PLAC8L1: variants seen among roughly 807,000 people sequenced by gnomAD.
PLAC8L1 encodes the protein PLAC8-like protein 1.
In PLAC8L1, 13 loss-of-function variants were observed where a neutral mutation model predicts 16.3. The ratio of observed to expected loss-of-function variants is 0.80; its 90% CI spans 0.52 to 1.27. PLAC8L1 has a LOEUF of 1.27. Ranked by LOEUF, PLAC8L1 falls within the 50% of genes most tolerant of loss-of-function variation. The pLI, the probability that PLAC8L1 is intolerant of heterozygous loss-of-function variation, is 0.00. For missense variants in PLAC8L1, 184 were observed against 220.2 expected, an observed-to-expected ratio of 0.84 and a Z score of 1.04; for synonymous variants, 78 against 79.3, an observed-to-expected ratio of 0.98 and a Z score of 0.09.
At position 146,092,535 on chromosome 5, in the gene PLAC8L1, A is replaced by ATTT. The variant is rs35101919; in HGVS notation, c.256+5618_256+5620dup. ...CATTCATACAATGGAATCTTTGCAG[A>ATTT]TTTTTTTTTTTTTTTTTTTTTTTTG... is the stretch of plus-strand genomic sequence containing the variant. On this transcript the variant is annotated intron_variant, in intron 2 of 3. Transcript: ENST00000311450. Among the ~76,000 whole-genome samples, 513 of 100,364 alleles carry ATTT rather than the reference A, an allele frequency of 5.1e-3. 1 individual carries two copies. Among genetic ancestry groups the ATTT allele is most frequent in the Non-Finnish European group, 6.7e-3 (350 of 52,006 alleles). The allele number at this position is 100,364 out of a possible 152,430, so 65.8% of individuals were successfully genotyped here.
At chr5:146,091,147 C>T (rs1258198568) in intron 2 of PLAC8L1, among the ~76,000 whole-genome samples, 3 of 152,192 alleles carry the variant, frequency 2.0e-5, no homozygotes, top group African/African-American at 7.2e-5. Context: ...AGCACAGCCA[C>T]TTTGGAAGTC....
Position 146,092,573 on chromosome 5 carries a change from A to T in PLAC8L1, c.256+5583T>A, listed in dbSNP as rs536494766. Among the ~76,000 whole-genome samples the T allele has an allele frequency of 1.8e-4, 22 of 122,218 alleles. No homozygotes were observed. In the South Asian group the frequency reaches 5.4e-3, roughly 30 times the overall value. The allele number at this position is 122,218 out of a possible 152,430, so 80.2% of individuals were successfully genotyped here. ...TTTTTTTTTTTTGAGACAGAGTCTC[A>T]CTCTGTCACCCAGGCTGAAGTGCAG... On this transcript the variant is annotated intron_variant, in intron 2 of 3. Coordinates refer to ENST00000311450, the MANE Select transcript of PLAC8L1 (RefSeq NM_001029869.3).
intron 2 of PLAC8L1, among the ~76,000 whole-genome samples, chr5:146,086,024 C>CTTTTTTTTTTTTTTTTTTTT (rs58130114): frequency 3.3e-5 from 3 of 90,396 alleles, no homozygotes; most frequent in African/African-American, 9.2e-5. Flanking sequence ...ATTGAAAGGT[C>CTTTTTTTTTTTTTTTTTTTT]TTTTTTTTTT....
intron 2 of PLAC8L1, among the ~76,000 whole-genome samples, chr5:146,094,909 A>T (rs1763684952): frequency 6.6e-6 from 1 of 152,246 alleles, no homozygotes; most frequent in African/African-American, 2.4e-5. Context: ...GGAATCTGGC[A>T]TGGAACAGTC....
Position 146,098,138 on chromosome 5 carries a change from T to A in PLAC8L1, c.256+18A>T. Reference sequence around the variant, plus strand: ...AGAAAATAGTAAGGAGGAACTTAAATAAGGAGGAAAAACTTACAAATTCTC... The same window carrying A: ...AGAAAATAGTAAGGAGGAACTTAAAAAAGGAGGAAAAACTTACAAATTCTC... On this transcript the variant is annotated intron_variant, in intron 2 of 3. Coordinates refer to ENST00000311450, the MANE Select transcript of PLAC8L1 (RefSeq NM_001029869.3). 1 of 1,602,330 alleles carries A rather than the reference T, an allele frequency of 6.2e-7. No individual in the cohort carries two copies. Among genetic ancestry groups the A allele is most frequent in the South Asian group, 1.1e-5 (1 of 89,514 alleles).
rs189254371 is a variant in PLAC8L1 at position 146,098,565 on chromosome 5, T to C, written c.120-273A>G. 1.2e-3 allele frequency among the ~76,000 whole-genome samples: 180 copies of C among 152,348 alleles called. 1 individual carries two copies. The highest frequency in any genetic ancestry group is 4.0e-3 in the African/African-American group (168 of 41,572). ...CAGTCTACTTCCTCAGTGTTTCAAATAGTTAAATTCACAAATTTGGAATCG... is the reference window on the plus strand; with the variant it reads ...CAGTCTACTTCCTCAGTGTTTCAAACAGTTAAATTCACAAATTTGGAATCG... On this transcript the variant is annotated intron_variant, in intron 1 of 3. Coordinates refer to ENST00000311450, the MANE Select transcript of PLAC8L1 (RefSeq NM_001029869.3).
Position 146,092,530 on chromosome 5 carries a change from T to C in PLAC8L1, c.256+5626A>G, listed in dbSNP as rs1763636944. Among the ~76,000 whole-genome samples, 4 of 148,986 alleles carry C rather than the reference T, an allele frequency of 2.7e-5. No individual in the cohort carries two copies. In the South Asian group the frequency reaches 6.3e-4, roughly 24 times the overall value. On this transcript the variant is annotated intron_variant, in intron 2 of 3. Transcript: ENST00000311450. ...TGGTACATTCATACAATGGAATCTT[T>C]GCAGATTTTTTTTTTTTTTTTTTTT...
At chr5:146,098,053 A>T (rs1763744497) in intron 2 of PLAC8L1, 103 bp downstream of exon 2, 1 of 1,325,232 alleles carries the variant, frequency 7.5e-7, no homozygotes, top group Admixed American at 2.3e-5. Context: ...TTATTCTGAA[A>T]ACATTTAATT....
chr5:146,096,605 G>A (rs983092065), intron 2 of PLAC8L1, among the ~76,000 whole-genome samples: 2 of 152,172 alleles, frequency 1.3e-5, no homozygotes, highest in African/African-American at 4.8e-5. Flanking sequence ...GTGTATATGT[G>A]ATATGAACCT....
intron 3 of PLAC8L1, 42 bp downstream of exon 3, chr5:146,085,419 T>G (rs1162389052): frequency 1.9e-6 from 3 of 1,574,044 alleles, no homozygotes; most frequent in Non-Finnish European, 2.6e-6. Flanking sequence ...ATCTAGGTTT[T>G]CATACAGATT....
At chr5:146,085,354 T>G in intron 3 of PLAC8L1, 107 bp downstream of exon 3, 6 of 1,292,698 alleles carry the variant, frequency 4.6e-6, no homozygotes, top group Non-Finnish European at 6.3e-6. Flanking sequence ...GCATGGTATG[T>G]TTCAACATCC....
chr5:146,100,633 A>G (rs1763798395), intron 1 of PLAC8L1, among the ~76,000 whole-genome samples: 1 of 152,216 alleles, frequency 6.6e-6, no homozygotes. Flanking sequence ...TGAGTTATTC[A>G]TAGTCAAATA....
At chr5:146,099,185 G>A (rs1218976241) in intron 1 of PLAC8L1, among the ~76,000 whole-genome samples, 1 of 152,112 alleles carries the variant, frequency 6.6e-6, no homozygotes, top group Non-Finnish European at 1.5e-5. Context: ...GGTCAAGAGT[G>A]GGGTAGAAGG....
chr5:146,097,294 C>CTATA (rs1305683142), intron 2 of PLAC8L1, among the ~76,000 whole-genome samples: 2 of 152,176 alleles, frequency 1.3e-5, no homozygotes, highest in Non-Finnish European at 2.9e-5. Context: ...ATTTGCCCCT[C>CTATA]TTTATAGCTG....
rs749174858 is a variant in PLAC8L1 at position 146,104,345 on chromosome 5, C to T, written c.-34G>A. On this transcript the variant is annotated 5_prime_UTR_variant, in exon 1 of 4. Coordinates refer to ENST00000311450, the MANE Select transcript of PLAC8L1 (RefSeq NM_001029869.3). ...GTGTTTTCTTGTCCTTTGGGCTATCCTTTTTCCCTTTGGCAATAAGCTGGT... is the reference window on the plus strand; with the variant it reads ...GTGTTTTCTTGTCCTTTGGGCTATCTTTTTTCCCTTTGGCAATAAGCTGGT... The T allele has an allele frequency of 6.6e-7, 1 of 1,523,108 alleles. No homozygotes were observed. The highest frequency in any genetic ancestry group is 1.7e-5 in the Admixed American group (1 of 59,292). The allele number at this position is 1,523,108 out of a possible 1,614,324, so 94.3% of individuals were successfully genotyped here.
intron 2 of PLAC8L1, among the ~76,000 whole-genome samples, chr5:146,086,608 T>C (rs1362037426): frequency 1.3e-5 from 2 of 152,186 alleles, no homozygotes; most frequent in African/African-American, 4.8e-5. Flanking sequence ...ACAGACCATT[T>C]TGAGAGTACA....
At chr5:146,100,875 G>GT (rs1763804434) in intron 1 of PLAC8L1, among the ~76,000 whole-genome samples, 1 of 152,160 alleles carries the variant, frequency 6.6e-6, no homozygotes, top group Non-Finnish European at 1.5e-5. Flanking sequence ...GTTAAGTGAA[G>GT]TTGTAGGGGT....
chr5:146,097,502 C>T (rs1763737736), intron 2 of PLAC8L1, among the ~76,000 whole-genome samples: 1 of 152,224 alleles, frequency 6.6e-6, no homozygotes, highest in Admixed American at 6.5e-5. Flanking sequence ...TTCTTCCAGA[C>T]ATTTAAGAAA....
At chr5:146,087,788 C>T (rs902923422) in intron 2 of PLAC8L1, among the ~76,000 whole-genome samples, 7 of 152,178 alleles carry the variant, frequency 4.6e-5, no homozygotes, top group African/African-American at 1.7e-4. Flanking sequence ...GCAAGCTGTA[C>T]AGTAAGCATA....
Sources: gnomAD v4.1 joint callset for allele counts (sites outside exome capture counted in the v4.1 genomes callset) on GRCh38, gnomAD v4.1.1 for gene constraint, MANE v1.5 for transcripts, NCBI Gene and HGNC (gene_info 2026-07-23, HGNC 2026-07-21) for gene names.